ANO6: variants seen among roughly 807,000 people sequenced by gnomAD.
ANO6 encodes anoctamin-6.
ANO6 carries 106 observed loss-of-function variants against 117.5 expected under a neutral mutation model. That is an observed-to-expected ratio of 0.90 (90% CI 0.77 to 1.06). ANO6 has a LOEUF of 1.06. Among genes scored for constraint, ANO6 ranks in the 50% least tolerant of loss-of-function variants. ANO6 has a pLI of 0.00. For missense variants in ANO6, 955 were observed against 1,121.1 expected (o/e 0.85, Z 2.12); for synonymous variants, 367 against 385.1 (o/e 0.95, Z 0.55).
intron 3 of ANO6, among the ~76,000 whole-genome samples, chr12:45,336,261 T>C (rs1184330961): frequency 6.6e-6 from 1 of 152,062 alleles, no homozygotes; most frequent in Non-Finnish European, 1.5e-5. Context: ...GGTTCCTCAT[T>C]AAGTCTTATG....
intron 16 of ANO6, 99 bp downstream of exon 16, chr12:45,409,586 T>TTGAAA: frequency 7.2e-7 from 1 of 1,385,282 alleles, no homozygotes; most frequent in Non-Finnish European, 1.0e-6. Context: ...ATTTAGCATA[T>TTGAAA]TGAAATGAAG....
At chr12:45,422,576 C>CTTTT (rs35726842) in intron 18 of ANO6, among the ~76,000 whole-genome samples, 5 of 140,490 alleles carry the variant, frequency 3.6e-5, no homozygotes, top group African/African-American at 1.0e-4. Context: ...TCAAATATGA[C>CTTTT]TTTTTTTTTT....
chr12:45,417,449 AC>A (rs1223288382), intron 17 of ANO6, among the ~76,000 whole-genome samples: 1 of 152,044 alleles, frequency 6.6e-6, no homozygotes, highest in Non-Finnish European at 1.5e-5. Flanking sequence ...CACCCTTCCC[AC>A]CCCACCCTTA....
rs930267411 is a variant in ANO6 at position 45,440,030 on chromosome 12, C to A, written c.*92C>A. The A allele has an allele frequency of 6.3e-6, 8 of 1,267,426 alleles. No individual in the cohort carries two copies. In the African/African-American group the frequency reaches 1.1e-4, roughly 17 times the overall value. The allele number at this position is 1,267,426 out of a possible 1,614,324, so 78.5% of individuals were successfully genotyped here. On this transcript the variant is annotated 3_prime_UTR_variant, in exon 20 of 20. Transcript: ENST00000425752. ...CTCAAGATAGAGTAGCATTGTTTGG[C>A]TCATTAATATTCCAATACTGGCATT...
At chr12:45,279,460 A>G (rs941454159) in intron 1 of ANO6, among the ~76,000 whole-genome samples, 3 of 152,200 alleles carry the variant, frequency 2.0e-5, no homozygotes, top group African/African-American at 7.2e-5. Flanking sequence ...GCAGAGCTAA[A>G]TGCATATATT....
At chr12:45,316,132 T>C (rs1031716471) in intron 2 of ANO6, among the ~76,000 whole-genome samples, 1 of 152,166 alleles carries the variant, frequency 6.6e-6, no homozygotes, top group Admixed American at 6.6e-5. Flanking sequence ...GATAAAGGGT[T>C]AATTAATTTC....
intron 12 of ANO6, among the ~76,000 whole-genome samples, chr12:45,396,422 G>C (rs1942615103): frequency 6.6e-6 from 1 of 152,194 alleles, no homozygotes; most frequent in Non-Finnish European, 1.5e-5. Context: ...ACTGCCCAAA[G>C]TAATTTATAA....
intron 1 of ANO6, among the ~76,000 whole-genome samples, chr12:45,276,102 A>AT (rs2137243962): frequency 6.6e-6 from 1 of 152,210 alleles, no homozygotes; most frequent in African/African-American, 2.4e-5. Flanking sequence ...ATCTCAGTAA[A>AT]TGGTACCACC....
chr12:45,287,167 A>G (rs1938944001), intron 1 of ANO6, among the ~76,000 whole-genome samples: 1 of 152,220 alleles, frequency 6.6e-6, no homozygotes. Context: ...GCTCTTCTCT[A>G]GGGCTGCTTA....
chr12:45,363,562 T>C (rs1941609523), intron 8 of ANO6, among the ~76,000 whole-genome samples: 1 of 142,018 alleles, frequency 7.0e-6, no homozygotes, highest in African/African-American at 2.7e-5. Flanking sequence ...AGACTCTGTC[T>C]CAAAAAAAAA....
At chr12:45,334,385 C>T (rs1415089099) in intron 3 of ANO6, among the ~76,000 whole-genome samples, 1 of 152,060 alleles carries the variant, frequency 6.6e-6, no homozygotes, top group Non-Finnish European at 1.5e-5. Context: ...TGAAGTCATT[C>T]CATCCTCCTG....
chr12:45,285,154 G>A (rs1370080566), intron 1 of ANO6, among the ~76,000 whole-genome samples: 2 of 152,154 alleles, frequency 1.3e-5, no homozygotes, highest in African/African-American at 4.8e-5. Context: ...CATGATTGAA[G>A]TCCAGGTTGG....
chr12:45,342,181 G>A (rs1940998840), intron 3 of ANO6, among the ~76,000 whole-genome samples: 1 of 152,122 alleles, frequency 6.6e-6, no homozygotes, highest in African/African-American at 2.4e-5. Context: ...AGAGCTACAG[G>A]GGCTGTTTGT....
intron 9 of ANO6, among the ~76,000 whole-genome samples, chr12:45,372,993 T>C (rs374252224): frequency 2.6e-5 from 4 of 152,032 alleles, no homozygotes; most frequent in African/African-American, 9.6e-5. Context: ...CACACATAGG[T>C]TCAAAATAAA....
chr12:45,432,524 A>G (rs182883943), downstream of ANO6, among the ~76,000 whole-genome samples: 587 of 152,276 alleles, frequency 3.9e-3, 1 homozygote, highest in Non-Finnish European at 5.7e-3. Context: ...TCAGTGTATT[A>G]AGGTTACAGA....
intron 1 of ANO6, among the ~76,000 whole-genome samples, chr12:45,283,725 G>A (rs969057362): frequency 6.6e-6 from 1 of 152,110 alleles, no homozygotes; most frequent in Non-Finnish European, 1.5e-5. Flanking sequence ...GACAGGACTC[G>A]TAGTCTAAGC....
At chr12:45,410,853 A>G (rs17095866) in intron 16 of ANO6, among the ~76,000 whole-genome samples, 3,982 of 152,300 alleles carry the variant, frequency 0.026, 87 homozygotes, top group East Asian at 0.098. Context: ...GCTTCCTTCA[A>G]TGAGTAAAAG....
chr12:45,323,523 G>A (rs995156677), intron 2 of ANO6, among the ~76,000 whole-genome samples: 73 of 152,238 alleles, frequency 4.8e-4, no homozygotes, highest in African/African-American at 1.5e-3. Context: ...TTAAGGTAGA[G>A]AATACCATTG....
At chr12:45,327,367 G>A (rs988088778) in intron 2 of ANO6, among the ~76,000 whole-genome samples, 1 of 152,152 alleles carries the variant, frequency 6.6e-6, no homozygotes, top group Non-Finnish European at 1.5e-5. Flanking sequence ...TATTTTGGAT[G>A]ACAGTTTAGC....
Sources: allele counts gnomAD v4.1 joint callset (sites outside exome capture counted in the v4.1 genomes callset), GRCh38; gene constraint gnomAD v4.1.1; transcripts MANE v1.5; gene names NCBI Gene and HGNC (gene_info 2026-07-23, HGNC 2026-07-21).